Variants in SVOP observed in about 807,000 individuals in gnomAD.
The protein encoded by SVOP is synaptic vesicle 2-related protein.
SVOP carries 17 observed loss-of-function variants against 69.1 expected under a neutral mutation model. The ratio of observed to expected loss-of-function variants is 0.25; its 90% CI spans 0.17 to 0.37. The LOEUF (loss-of-function observed/expected upper bound fraction) is 0.37, where lower values mean the gene tolerates loss of function less well. Among genes scored for constraint, SVOP ranks in the 10% least tolerant of loss-of-function variants. SVOP has a pLI of 1.00. For missense variants in SVOP, 435 were observed against 597.5 expected (o/e 0.73, Z 2.84); for synonymous variants, 238 against 238.6 (o/e 1.00, Z 0.02).
At chr12:108,958,654 G>A (rs894406684) in intron 6 of SVOP, among the ~76,000 whole-genome samples, 6 of 152,154 alleles carry the variant, frequency 3.9e-5, no homozygotes, top group Non-Finnish European at 8.8e-5. Context: ...TACTTGGTCT[G>A]CCCTTCAGGA....
At chr12:108,971,248 G>A (rs1175982080) in intron 5 of SVOP, among the ~76,000 whole-genome samples, 3 of 152,070 alleles carry the variant, frequency 2.0e-5, no homozygotes, top group African/African-American at 7.2e-5. Flanking sequence ...GGCCAACATG[G>A]TGAAACCCTG....
At chr12:108,982,848 T>C (rs1160759660) in intron 2 of SVOP, among the ~76,000 whole-genome samples, 3 of 141,420 alleles carry the variant, frequency 2.1e-5, no homozygotes, top group East Asian at 4.6e-4. Flanking sequence ...ATCATCATCA[T>C]CACTATCATC....
intron 1 of SVOP, among the ~76,000 whole-genome samples, chr12:108,987,220 A>C (rs2040170548): frequency 6.6e-6 from 1 of 152,142 alleles, no homozygotes; most frequent in Non-Finnish European, 1.5e-5. Context: ...TGTCTGGCTT[A>C]TTTCCCTTAG....
chr12:108,925,251 T>C (rs1219537528), intron 11 of SVOP, among the ~76,000 whole-genome samples: 1 of 152,238 alleles, frequency 6.6e-6, no homozygotes, highest in African/African-American at 2.4e-5. Context: ...TTCTCCTTGC[T>C]TGGCATCCTG....
chr12:108,940,731 T>A, intron 8 of SVOP, 53 bp downstream of exon 8: 3 of 1,518,918 alleles, frequency 2.0e-6, no homozygotes, highest in Non-Finnish European at 2.6e-6. Flanking sequence ...CAAAATAGAG[T>A]GGACAGTAAG....
chr12:108,924,067 A>G (rs1028462416), intron 11 of SVOP, among the ~76,000 whole-genome samples: 16 of 152,302 alleles, frequency 1.1e-4, no homozygotes, highest in Non-Finnish European at 2.1e-4. Flanking sequence ...GAATGGGATT[A>G]GTGTCTTCAT....
chr12:109,015,267 G>A (rs2040361775), intron 1 of SVOP, among the ~76,000 whole-genome samples: 1 of 152,164 alleles, frequency 6.6e-6, no homozygotes, highest in Admixed American at 6.5e-5. Context: ...AAGAGATGAG[G>A]TGAGATGGGA....
rs149549199 is a variant in SVOP, at chr12:108,966,104, C to T, written c.454-5057G>A. The stretch of plus-strand genomic sequence containing the variant: ...GCATCCTTGAATTCCTGGGCTCAAG[C>T]GATCCTCTCACTTCAGCCCCCAAGT... On this transcript the variant is annotated intron_variant, in intron 5 of 15. Coordinates refer to ENST00000610966, the MANE Select transcript of SVOP (RefSeq NM_018711.5). Among the ~76,000 whole-genome samples the T allele has an allele frequency of 5.0e-3, 765 of 152,014 alleles. 10 individuals carry two copies. The highest frequency in any genetic ancestry group is 0.017 in the African/African-American group (721 of 41,446).
intron 1 of SVOP, among the ~76,000 whole-genome samples, chr12:108,994,357 G>C (rs907118649): frequency 6.6e-6 from 1 of 152,120 alleles, no homozygotes; most frequent in African/African-American, 2.4e-5. Flanking sequence ...AGCTGGGCCT[G>C]GTGGCATGCA....
At chr12:108,937,154 G>T in intron 10 of SVOP, 110 bp downstream of exon 10, 1 of 1,071,632 alleles carries the variant, frequency 9.3e-7, no homozygotes, top group Non-Finnish European at 1.4e-6. Flanking sequence ...ACTGAAATTT[G>T]CAAACGCTGC....
intron 1 of SVOP, among the ~76,000 whole-genome samples, chr12:109,016,008 G>A (rs1446316963): frequency 6.6e-6 from 1 of 152,200 alleles, no homozygotes; most frequent in Non-Finnish European, 1.5e-5. Context: ...ACAGGAGAAT[G>A]TGGCTTCCAG....
intron 1 of SVOP, among the ~76,000 whole-genome samples, chr12:109,013,034 T>C (rs369192359): frequency 5.3e-5 from 8 of 152,326 alleles, no homozygotes; most frequent in African/African-American, 1.7e-4. Flanking sequence ...TAATAGTGGT[T>C]CCACTGTCAG....
chr12:108,928,665 C>T (rs1424377517), intron 11 of SVOP, among the ~76,000 whole-genome samples: 2 of 151,734 alleles, frequency 1.3e-5, no homozygotes, highest in African/African-American at 4.8e-5. Flanking sequence ...TTCTCAGGCT[C>T]AAGCGATCCT....
At chr12:108,948,156 ACTCC>A (rs2039935324) in intron 6 of SVOP, among the ~76,000 whole-genome samples, 1 of 151,896 alleles carries the variant, frequency 6.6e-6, no homozygotes, top group South Asian at 2.1e-4. Context: ...AGCAATGAAC[ACTCC>A]CTTAGCTCCC....
intron 4 of SVOP, among the ~76,000 whole-genome samples, chr12:108,977,126 T>A (rs1486164059): frequency 6.6e-6 from 1 of 152,166 alleles, no homozygotes; most frequent in African/African-American, 2.4e-5. Flanking sequence ...AAAACAGGCA[T>A]ACAGAGTTTA....
chr12:108,991,562 C>T (rs1045127230), intron 1 of SVOP, among the ~76,000 whole-genome samples: 2 of 152,044 alleles, frequency 1.3e-5, no homozygotes, highest in African/African-American at 4.8e-5. Flanking sequence ...TTCAAGCAAT[C>T]CTCGTGCCTT....
intron 6 of SVOP, among the ~76,000 whole-genome samples, chr12:108,956,741 G>A (rs2039987830): frequency 6.6e-6 from 1 of 152,158 alleles, no homozygotes. Context: ...CATTGCATGG[G>A]ACCCAAGGAG....
intron 1 of SVOP, among the ~76,000 whole-genome samples, chr12:108,994,488 G>A (rs911459464): frequency 6.6e-6 from 1 of 152,126 alleles, no homozygotes; most frequent in African/African-American, 2.4e-5. Context: ...GGTGAACTCT[G>A]TCAAAAAATA....
At chr12:109,019,836 A>C (rs1342619161) in intron 1 of SVOP, among the ~76,000 whole-genome samples, 2 of 152,226 alleles carry the variant, frequency 1.3e-5, no homozygotes, top group African/African-American at 4.8e-5. Flanking sequence ...TATCAGTCAC[A>C]CTAAAAGTCA....
Sources: gnomAD v4.1 joint callset for allele counts (sites outside exome capture counted in the v4.1 genomes callset) on GRCh38, gnomAD v4.1.1 for gene constraint, MANE v1.5 for transcripts, NCBI Gene and HGNC (gene_info 2026-07-23, HGNC 2026-07-21) for gene names.